The following BICC1 variants were observed in gnomAD, a reference collection of about 807,000 sequenced individuals.
BICC1 encodes the protein BicC family RNA binding protein 1, also known as protein bicaudal C homolog 1.
In BICC1, 43 loss-of-function variants were observed where a neutral mutation model predicts 111.0. The ratio of observed to expected loss-of-function variants is 0.39; its 90% CI spans 0.30 to 0.50. The LOEUF is 0.50. Ranked by LOEUF, BICC1 falls within the 20% of genes least tolerant of loss-of-function variation. The probability of loss-of-function intolerance (pLI) is 0.88; values close to 1 mark genes in which losing one functional copy is unlikely to be tolerated. For synonymous variants in BICC1, 467 were observed against 434.4 expected, an observed-to-expected ratio of 1.07 and a Z score of -0.93; for missense variants, 1,091 against 1,203.2, an observed-to-expected ratio of 0.91 and a Z score of 1.38.
chr10:58,759,513 T>C (rs1307365413), intron 3 of BICC1, among the ~76,000 whole-genome samples: 1 of 152,090 alleles, frequency 6.6e-6, no homozygotes, highest in African/African-American at 2.4e-5. Flanking sequence ...CATAAAACAT[T>C]CTTTACTAAG....
At chr10:58,731,687 A>G in intron 3 of BICC1, among the ~76,000 whole-genome samples, 1 of 149,450 alleles carries the variant, frequency 6.7e-6, no homozygotes, top group East Asian at 2.0e-4. Context: ...GGTGTCTTAC[A>G]TGGGAGGAGC....
intron 1 of BICC1, among the ~76,000 whole-genome samples, chr10:58,564,279 A>G (rs1843691934): frequency 6.6e-6 from 1 of 152,206 alleles, no homozygotes; most frequent in South Asian, 2.1e-4. Context: ...AAGTCCATAA[A>G]TGAGAAAATG....
chr10:58,541,675 T>C (rs1050849287), intron 1 of BICC1, among the ~76,000 whole-genome samples: 3 of 152,074 alleles, frequency 2.0e-5, no homozygotes, highest in Non-Finnish European at 4.4e-5. Flanking sequence ...GAAATAGCAG[T>C]GTTATTTTTT....
In BICC1 at chr10:58,593,881, A is replaced by G. The variant is rs992746694; in HGVS notation, c.191-26974A>G. On this transcript the variant is annotated intron_variant, in intron 1 of 20. Transcript: ENST00000373886. Reference sequence around the variant, plus strand: ...AACTGGACGGAGAATGAGTTTGACAAATTGACAGACGTAGGCTTCAGAAGG... The same window carrying G: ...AACTGGACGGAGAATGAGTTTGACAGATTGACAGACGTAGGCTTCAGAAGG... 2.6e-5 allele frequency among the ~76,000 whole-genome samples: 4 copies of G among 152,086 alleles called. No homozygotes were observed. In the East Asian group the frequency reaches 5.9e-4, roughly 22 times the overall value.
intron 2 of BICC1, among the ~76,000 whole-genome samples, chr10:58,632,950 G>A (rs1006694181): frequency 2.0e-5 from 3 of 152,154 alleles, no homozygotes; most frequent in South Asian, 4.1e-4. Flanking sequence ...TATGTAGAAG[G>A]ATTTGAAATC....
At chr10:58,565,224 A>C (rs1256428076) in intron 1 of BICC1, among the ~76,000 whole-genome samples, 2 of 152,178 alleles carry the variant, frequency 1.3e-5, no homozygotes, top group Non-Finnish European at 2.9e-5. Flanking sequence ...CATGTGAAAA[A>C]CTGATATCAA....
At chr10:58,705,346 GC>G (rs1363662431) in intron 3 of BICC1, among the ~76,000 whole-genome samples, 1 of 151,504 alleles carries the variant, frequency 6.6e-6, no homozygotes, top group African/African-American at 2.4e-5. Flanking sequence ...TCTGGATAAT[GC>G]CCATCTTGGC....
intron 3 of BICC1, among the ~76,000 whole-genome samples, chr10:58,728,447 A>C (rs962276797): frequency 3.3e-5 from 5 of 152,072 alleles, no homozygotes; most frequent in African/African-American, 9.7e-5. Context: ...CTTAACTTCT[A>C]ATTACAGTTC....
intron 17 of BICC1, among the ~76,000 whole-genome samples, chr10:58,809,771 T>C (rs1352823657): frequency 1.3e-5 from 2 of 152,214 alleles, no homozygotes; most frequent in African/African-American, 2.4e-5. Flanking sequence ...TTAAATCATA[T>C]TCATTTAGTT....
At chr10:58,776,658 C>T (rs1383536825) in intron 3 of BICC1, among the ~76,000 whole-genome samples, 7 of 152,096 alleles carry the variant, frequency 4.6e-5, no homozygotes, top group African/African-American at 1.4e-4. Context: ...GTCTTGGCTT[C>T]GTCTCCACCA....
intron 1 of BICC1, among the ~76,000 whole-genome samples, chr10:58,595,128 A>G (rs1034293685): frequency 1.3e-5 from 2 of 152,244 alleles, no homozygotes; most frequent in Non-Finnish European, 2.9e-5. Flanking sequence ...AGGCCATTAC[A>G]TAATGGTATA....
intron 1 of BICC1, among the ~76,000 whole-genome samples, chr10:58,612,306 A>G (rs1436747355): frequency 6.6e-6 from 1 of 152,194 alleles, no homozygotes; most frequent in East Asian, 1.9e-4. Flanking sequence ...TTCTCTGGGA[A>G]TGTATAGAAA....
chr10:58,586,080 A>G (rs1182526393), intron 1 of BICC1, among the ~76,000 whole-genome samples: 1 of 152,198 alleles, frequency 6.6e-6, no homozygotes, highest in Non-Finnish European at 1.5e-5. Flanking sequence ...TAGTTTATAC[A>G]TGCCAGTAGT....
chr10:58,742,791 G>A (rs1369073787), intron 3 of BICC1, among the ~76,000 whole-genome samples: 1 of 151,914 alleles, frequency 6.6e-6, no homozygotes, highest in Admixed American at 6.6e-5. Flanking sequence ...GTGCTTAAAG[G>A]TTTCTACTTT....
At chr10:58,595,833 A>G (rs1844795077) in intron 1 of BICC1, among the ~76,000 whole-genome samples, 1 of 152,200 alleles carries the variant, frequency 6.6e-6, no homozygotes, top group African/African-American at 2.4e-5. Context: ...CAAATTCAAA[A>G]TTTAGCAGAA....
chr10:58,779,573 G>A (rs1842831403), intron 3 of BICC1, among the ~76,000 whole-genome samples: 1 of 152,166 alleles, frequency 6.6e-6, no homozygotes, highest in Admixed American at 6.5e-5. Context: ...TTATACCAAA[G>A]AAATTTGCAT....
intron 2 of BICC1, among the ~76,000 whole-genome samples, chr10:58,649,915 C>A (rs1189957157): frequency 1.3e-5 from 2 of 152,068 alleles, no homozygotes; most frequent in Non-Finnish European, 2.9e-5. Context: ...ACTTGTACTG[C>A]CCTACCACCC....
rs540041688 is a variant in BICC1, at chr10:58,709,945, C to T, written c.307+7802C>T. The stretch of plus-strand genomic sequence containing the variant: ...CTTTTAAATGAGACTTAACAAGACA[C>T]AGCCTCCTGGTAGACCTCCAGACTA... On this transcript the variant is annotated intron_variant, in intron 3 of 20. Transcript: ENST00000373886. Among the ~76,000 whole-genome samples the T allele has an allele frequency of 7.9e-5, 12 of 152,264 alleles. No individual in the cohort carries two copies. The South Asian group carries it at 1.7e-3, about 21-fold the overall frequency.
At chr10:58,788,244 C>A in intron 5 of BICC1, 126 bp from the exon 6 acceptor site, 1 of 645,858 alleles carries the variant, frequency 1.5e-6, no homozygotes, top group South Asian at 2.2e-5. Flanking sequence ...TTTTAACAAG[C>A]TTCTGGATAA....
Sources: gnomAD v4.1 joint callset for allele counts (sites outside exome capture counted in the v4.1 genomes callset) on GRCh38, gnomAD v4.1.1 for gene constraint, MANE v1.5 for transcripts, NCBI Gene and HGNC (gene_info 2026-07-23, HGNC 2026-07-21) for gene names.